LCMT1: variants seen among roughly 807,000 people sequenced by gnomAD.
LCMT1 encodes [Phosphatase 2A protein]-leucine-carboxy methyltransferase 1.
Under a neutral mutation model 47.7 loss-of-function variants are expected in LCMT1, and 32 were observed. The ratio of observed to expected loss-of-function variants is 0.67; its 90% CI spans 0.51 to 0.90. LCMT1 has a LOEUF of 0.90. Ranked by LOEUF, LCMT1 falls within the 40% of genes least tolerant of loss-of-function variation. LCMT1 has a pLI of 0.00. For synonymous variants in LCMT1, 152 were observed against 149.7 expected (o/e 1.02, Z -0.11); for missense variants, 375 against 415.2 (o/e 0.90, Z 0.84).
chr16:25,118,523 G>A (rs1207322815), intron 1 of LCMT1, among the ~76,000 whole-genome samples: 1 of 152,168 alleles, frequency 6.6e-6, no homozygotes, highest in African/African-American at 2.4e-5. Flanking sequence ...ATTGGTTCCT[G>A]GAGTGGGGGT....
intron 9 of LCMT1, among the ~76,000 whole-genome samples, chr16:25,172,722 G>A (rs1201233711): frequency 6.6e-6 from 1 of 152,200 alleles, no homozygotes; most frequent in African/African-American, 2.4e-5. Flanking sequence ...AAGCCTAGAG[G>A]GTTTGAGAAA....
intron 10 of LCMT1, among the ~76,000 whole-genome samples, chr16:25,177,029 A>G (rs1334340781): frequency 6.6e-6 from 1 of 151,796 alleles, no homozygotes; most frequent in Non-Finnish European, 1.5e-5. Flanking sequence ...AAAATACAAA[A>G]TTTAGCTGGG....
chr16:25,133,492 G>A (rs1022716045), intron 3 of LCMT1, among the ~76,000 whole-genome samples: 1 of 133,120 alleles, frequency 7.5e-6, no homozygotes, highest in African/African-American at 2.7e-5. Context: ...TCCACCTCCC[G>A]GGTTCAAGCG....
chr16:25,140,513 C>G (rs762292469), intron 4 of LCMT1: 4 of 442,048 alleles, frequency 9.0e-6, no homozygotes. Flanking sequence ...ATCTCCCAGA[C>G]AAGGTTTTTG....
chr16:25,173,680 T>C lies in LCMT1; in HGVS notation c.885-1257T>C, dbSNP rs145296656. 1.0e-3 allele frequency among the ~76,000 whole-genome samples: 158 copies of C among 152,150 alleles called. 1 individual carries two copies. The highest frequency in any genetic ancestry group is 3.7e-3 in the African/African-American group (152 of 41,550). On this transcript the variant is annotated intron_variant, in intron 9 of 10. Coordinates refer to ENST00000399069, the MANE Select transcript of LCMT1 (RefSeq NM_016309.3). ...TTGAAAATGCCGGACTTTTCCTCCA[T>C]AGTGTGTACCTATTTTGACAGAAAC... is the stretch of plus-strand genomic sequence containing the variant.
At chr16:25,165,162 A>G (rs1961550914) in intron 7 of LCMT1, among the ~76,000 whole-genome samples, 1 of 152,124 alleles carries the variant, frequency 6.6e-6, no homozygotes, top group Non-Finnish European at 1.5e-5. Flanking sequence ...CTGCCCATTT[A>G]CAGCCAGTTG....
chr16:25,124,301 A>AAC (rs376670753), intron 1 of LCMT1, among the ~76,000 whole-genome samples: 2 of 152,192 alleles, frequency 1.3e-5, no homozygotes, highest in South Asian at 2.1e-4. Flanking sequence ...TATACAGACA[A>AAC]ACACACACAC....
intron 3 of LCMT1, among the ~76,000 whole-genome samples, chr16:25,134,163 C>T (rs144017288): frequency 4.0e-5 from 6 of 151,294 alleles, no homozygotes; most frequent in East Asian, 3.9e-4. Flanking sequence ...AGATTTTTTG[C>T]GGATGTTGAC....
chr16:25,152,106 A>G (rs1181047132), intron 5 of LCMT1, among the ~76,000 whole-genome samples: 1 of 152,178 alleles, frequency 6.6e-6, no homozygotes, highest in African/African-American at 2.4e-5. Context: ...CAGAGGACAC[A>G]AAAACCCACA....
intron 6 of LCMT1, among the ~76,000 whole-genome samples, chr16:25,163,743 G>T (rs1188156323): frequency 6.6e-6 from 1 of 152,206 alleles, no homozygotes; most frequent in Non-Finnish European, 1.5e-5. Context: ...GATAGCTTTT[G>T]TGTCAATAAA....
At chr16:25,121,736 C>T (rs1959996597) in intron 1 of LCMT1, among the ~76,000 whole-genome samples, 1 of 152,168 alleles carries the variant, frequency 6.6e-6, no homozygotes, top group Non-Finnish European at 1.5e-5. Context: ...GATCTCATGA[C>T]ATGAGAACAG....
At chr16:25,119,303 A>G (rs542429134) in intron 1 of LCMT1, among the ~76,000 whole-genome samples, 1 of 151,770 alleles carries the variant, frequency 6.6e-6, no homozygotes, top group African/African-American at 2.4e-5. Context: ...ATGTTCTCGT[A>G]ACACCCTGTT....
intron 1 of LCMT1, among the ~76,000 whole-genome samples, chr16:25,123,312 C>T (rs1444605149): frequency 6.7e-6 from 1 of 149,598 alleles, no homozygotes; most frequent in Non-Finnish European, 1.5e-5. Context: ...GCAACCTCCA[C>T]CTCTCGGGTT....
intron 3 of LCMT1, among the ~76,000 whole-genome samples, chr16:25,138,809 A>G (rs188561544): frequency 6.6e-6 from 1 of 152,304 alleles, no homozygotes; most frequent in Non-Finnish European, 1.5e-5. Context: ...TACAGCTCAC[A>G]AGCTCTTTGG....
chr16:25,163,047 A>G (rs1431798238), intron 6 of LCMT1, among the ~76,000 whole-genome samples: 1 of 152,146 alleles, frequency 6.6e-6, no homozygotes, highest in Non-Finnish European at 1.5e-5. Context: ...ATTTTTGTAG[A>G]GACAAGGTTT....
At chr16:25,123,842 C>T (rs1395848287) in intron 1 of LCMT1, among the ~76,000 whole-genome samples, 2 of 152,160 alleles carry the variant, frequency 1.3e-5, no homozygotes, top group East Asian at 1.9e-4. Flanking sequence ...CTCCTGACCT[C>T]AGGTGATCCG....
intron 1 of LCMT1, among the ~76,000 whole-genome samples, chr16:25,120,588 A>G (rs113776824): frequency 2.6e-5 from 4 of 151,826 alleles, no homozygotes; most frequent in African/African-American, 9.7e-5. Flanking sequence ...GTGCCACCAC[A>G]CGCGGCTAAT....
chr16:25,114,743 A>G (rs912273468), intron 1 of LCMT1, among the ~76,000 whole-genome samples: 6 of 151,986 alleles, frequency 3.9e-5, no homozygotes, highest in South Asian at 2.1e-4. Context: ...CTGTTCTTGA[A>G]GCCCTCTCCC....
At chr16:25,154,982 A>G (rs146292957) in intron 5 of LCMT1, among the ~76,000 whole-genome samples, 2 of 152,340 alleles carry the variant, frequency 1.3e-5, no homozygotes, top group South Asian at 4.1e-4. Flanking sequence ...GGGCGAACTG[A>G]TACGTGATCT....
Sources: allele counts gnomAD v4.1 joint callset (sites outside exome capture counted in the v4.1 genomes callset), GRCh38; gene constraint gnomAD v4.1.1; transcripts MANE v1.5; gene names NCBI Gene and HGNC (gene_info 2026-07-23, HGNC 2026-07-21).